The following BICC1 variants were observed in gnomAD, a reference collection of about 807,000 sequenced individuals.
The protein encoded by BICC1 is protein bicaudal C homolog 1.
Under a neutral mutation model 111.0 loss-of-function variants are expected in BICC1, and 43 were observed. The observed-to-expected ratio is 0.39, with a 90% CI of 0.30 to 0.50. The LOEUF is 0.50. BICC1 is among the 20% of genes least tolerant of loss of function. The pLI is 0.88. For synonymous variants in BICC1, 467 were observed against 434.4 expected (o/e 1.07, Z -0.93); for missense variants, 1,091 against 1,203.2 (o/e 0.91, Z 1.38).
rs142837184 is a variant in BICC1, at chr10:58,567,255, G to A, written c.191-53600G>A. ...AAGGGTATAAACTTTAGTTTTTTATGGTGGACTATTCCCAGACCTGAGGTT... is the reference window on the plus strand; with the variant it reads ...AAGGGTATAAACTTTAGTTTTTTATAGTGGACTATTCCCAGACCTGAGGTT... On this transcript the variant is annotated intron_variant, in intron 1 of 20. Coordinates refer to ENST00000373886, the MANE Select transcript of BICC1 (RefSeq NM_001080512.3). Among the ~76,000 whole-genome samples the A allele has an allele frequency of 4.8e-3, 735 of 152,136 alleles. 4 individuals are homozygous for A. The highest frequency in any genetic ancestry group is 0.016 in the African/African-American group (663 of 41,500).
chr10:58,748,015 A>T (rs12253427), intron 3 of BICC1, among the ~76,000 whole-genome samples: 5 of 152,098 alleles, frequency 3.3e-5, no homozygotes, highest in Non-Finnish European at 7.4e-5. Context: ...TGCAGAAAAA[A>T]CTTTGACAGC....
At chr10:58,602,197 A>G (rs1009296296) in intron 1 of BICC1, among the ~76,000 whole-genome samples, 17 of 152,142 alleles carry the variant, frequency 1.1e-4, no homozygotes, top group African/African-American at 4.1e-4. Flanking sequence ...TACTTATAGG[A>G]CCACTATGCA....
intron 3 of BICC1, among the ~76,000 whole-genome samples, chr10:58,766,412 T>C (rs1842457080): frequency 6.6e-6 from 1 of 151,926 alleles, no homozygotes; most frequent in Non-Finnish European, 1.5e-5. Context: ...GAAGGGAGAG[T>C]AATTAGGGGG....
At chr10:58,788,228 C>G in intron 5 of BICC1, 142 bp from the exon 6 acceptor site, 2 of 594,972 alleles carry the variant, frequency 3.4e-6, no homozygotes, top group Non-Finnish European at 5.9e-6. Flanking sequence ...GCCTGAGATC[C>G]TTTATTTTTA....
Position 58,539,994 on chromosome 10 carries a change from A to AGAG in BICC1, c.190+26661_190+26662insGAG, listed in dbSNP as rs566669423. 4.8e-3 allele frequency among the ~76,000 whole-genome samples: 730 copies of AGAG among 152,112 alleles called. 10 individuals carry two copies. The highest frequency in any genetic ancestry group is 0.017 in the African/African-American group (711 of 41,544). Reference sequence around the variant, plus strand: ...AAGAAAAACTAGAAAATTCACAAATATGTGGAAATTAAACAACACACTCTT... The same window carrying AGAG: ...AAGAAAAACTAGAAAATTCACAAATAGAGTGTGGAAATTAAACAACACACTCTT... On this transcript the variant is annotated intron_variant, in intron 1 of 20. Transcript: ENST00000373886.
intron 1 of BICC1, among the ~76,000 whole-genome samples, chr10:58,548,248 A>G (rs1228403749): frequency 6.6e-6 from 1 of 152,204 alleles, no homozygotes; most frequent in Non-Finnish European, 1.5e-5. Context: ...ATCCATTTGC[A>G]TTGTTCAACT....
At chr10:58,645,843 G>A (rs1018533250) in intron 2 of BICC1, among the ~76,000 whole-genome samples, 2 of 152,194 alleles carry the variant, frequency 1.3e-5, no homozygotes, top group Admixed American at 6.5e-5. Context: ...GCCAGAAGCA[G>A]TTGCCTTTTT....
chr10:58,736,952 G>T (rs1299989068), intron 3 of BICC1, among the ~76,000 whole-genome samples: 1 of 151,670 alleles, frequency 6.6e-6, no homozygotes, highest in African/African-American at 2.4e-5. Context: ...TTATTTTTTT[G>T]TCTGGGGCAT....
At chr10:58,814,103 T>C (rs777623426) in intron 18 of BICC1, 117 bp downstream of exon 18, 1 of 1,161,962 alleles carries the variant, frequency 8.6e-7, no homozygotes, top group Non-Finnish European at 1.3e-6. Context: ...GTAATTCACA[T>C]GCCATCTCCT....
intron 12 of BICC1, 50 bp downstream of exon 12, chr10:58,799,302 G>A (rs1450964843): frequency 7.1e-7 from 1 of 1,399,520 alleles, no homozygotes; most frequent in East Asian, 2.5e-5. Context: ...GTTTGTAAGA[G>A]ACAAACCCCT....
At chr10:58,816,319 T>C (rs1448048695) in intron 18 of BICC1, among the ~76,000 whole-genome samples, 1 of 152,144 alleles carries the variant, frequency 6.6e-6, no homozygotes, top group Non-Finnish European at 1.5e-5. Flanking sequence ...GGGCCTCTGC[T>C]TCACCTTTAA....
chr10:58,802,928 G>A (rs1234369039), intron 14 of BICC1, 149 bp from the exon 15 acceptor site: 1 of 708,828 alleles, frequency 1.4e-6, no homozygotes, highest in Admixed American at 4.0e-5. Flanking sequence ...AGTAGTACCT[G>A]TGTCATAGCA....
intron 1 of BICC1, among the ~76,000 whole-genome samples, chr10:58,576,489 G>A (rs756054927): frequency 2.5e-4 from 38 of 152,080 alleles, no homozygotes; most frequent in African/African-American, 3.6e-4. Context: ...AGCAAGGATC[G>A]CACTTTGAAT....
At chr10:58,512,511 A>T (rs1053397934), upstream of BICC1, among the ~76,000 whole-genome samples, 1 of 152,012 alleles carries the variant, frequency 6.6e-6, no homozygotes, top group Non-Finnish European at 1.5e-5. Flanking sequence ...GTGTGTTTGG[A>T]GGATTATGAG....
intron 2 of BICC1, among the ~76,000 whole-genome samples, chr10:58,667,795 C>G (rs1839062356): frequency 6.6e-6 from 1 of 152,028 alleles, no homozygotes; most frequent in Non-Finnish European, 1.5e-5. Context: ...GAACTAATAG[C>G]TACTCCTTGG....
At chr10:58,540,389 G>T (rs1310495826) in intron 1 of BICC1, among the ~76,000 whole-genome samples, 1 of 151,356 alleles carries the variant, frequency 6.6e-6, no homozygotes, top group Non-Finnish European at 1.5e-5. Flanking sequence ...AGAATAAGAA[G>T]AAAACAAAGA....
At chr10:58,785,756 A>G (rs565391201) in intron 4 of BICC1, among the ~76,000 whole-genome samples, 3 of 152,330 alleles carry the variant, frequency 2.0e-5, no homozygotes, top group South Asian at 2.1e-4. Context: ...CTGACTCAGC[A>G]CAAAGGTATT....
At chr10:58,645,678 A>G (rs1355371189) in intron 2 of BICC1, among the ~76,000 whole-genome samples, 4 of 152,198 alleles carry the variant, frequency 2.6e-5, no homozygotes, top group Admixed American at 6.5e-5. Flanking sequence ...CAGCAGTCCC[A>G]TTGGCATTTT....
intron 20 of BICC1, among the ~76,000 whole-genome samples, chr10:58,827,021 C>G (rs1209473935): frequency 6.6e-6 from 1 of 152,178 alleles, no homozygotes; most frequent in Admixed American, 6.5e-5. Flanking sequence ...AAGTAACTTG[C>G]CAGTAAAAGA....
Sources: gnomAD v4.1 joint callset for allele counts (sites outside exome capture counted in the v4.1 genomes callset) on GRCh38, gnomAD v4.1.1 for gene constraint, MANE v1.5 for transcripts, NCBI Gene and HGNC (gene_info 2026-07-23, HGNC 2026-07-21) for gene names.